CSMD1: variants seen among roughly 807,000 people sequenced by gnomAD.
CSMD1 encodes the protein CUB and Sushi multiple domains 1.
Under a neutral mutation model 417.5 loss-of-function variants are expected in CSMD1, and 213 were observed. That is an observed-to-expected ratio of 0.51 (90% CI 0.46 to 0.57). CSMD1 has a LOEUF of 0.57. Among genes scored for constraint, CSMD1 ranks in the 20% least tolerant of loss-of-function variants. The pLI is 0.00. For missense variants in CSMD1, 6,923 were observed against 4,529.7 expected (o/e 1.53, Z -15.17); for synonymous variants, 2,862 against 1,736.8 (o/e 1.65, Z -16.11).
intron 4 of CSMD1, among the ~76,000 whole-genome samples, chr8:4,016,587 A>T (rs1320736542): frequency 6.6e-6 from 1 of 152,188 alleles, no homozygotes; most frequent in African/African-American, 2.4e-5. Context: ...AATCCTAAAA[A>T]GCCTTTCCCC....
chr8:3,626,589 G>T (rs551950293), intron 7 of CSMD1, among the ~76,000 whole-genome samples: 1 of 151,494 alleles, frequency 6.6e-6, no homozygotes, highest in Non-Finnish European at 1.5e-5. Flanking sequence ...CCTAGATTTA[G>T]AAAACCATGA....
chr8:3,236,830 A>G (rs895006408), intron 26 of CSMD1, among the ~76,000 whole-genome samples: 5 of 152,144 alleles, frequency 3.3e-5, no homozygotes, highest in Non-Finnish European at 7.3e-5. Flanking sequence ...CATCCATCTT[A>G]TCCCTCAACG....
At chr8:3,957,509 C>G (rs1303266510) in intron 5 of CSMD1, among the ~76,000 whole-genome samples, 2 of 152,030 alleles carry the variant, frequency 1.3e-5, no homozygotes, top group Admixed American at 6.5e-5. Flanking sequence ...GCACTCTTCT[C>G]TATAAAAAAT....
chr8:3,810,952 G>A (rs555200068), intron 5 of CSMD1, among the ~76,000 whole-genome samples: 7 of 152,102 alleles, frequency 4.6e-5, no homozygotes, highest in African/African-American at 1.2e-4. Context: ...GGATAATAAC[G>A]TTTGTTCTTT....
intron 2 of CSMD1, among the ~76,000 whole-genome samples, chr8:4,621,332 C>T (rs1014523566): frequency 6.6e-6 from 1 of 151,986 alleles, no homozygotes; most frequent in African/African-American, 2.4e-5. Flanking sequence ...GTGGAATTTT[C>T]CACTTATGAT....
intron 3 of CSMD1, among the ~76,000 whole-genome samples, chr8:4,192,090 C>CA (rs1436266625): frequency 3.3e-5 from 5 of 151,894 alleles, no homozygotes; most frequent in African/African-American, 1.2e-4. Context: ...AACAGAAAAC[C>CA]AAAAACGTGG....
At chr8:3,522,831 T>A (rs541076873) in intron 10 of CSMD1, among the ~76,000 whole-genome samples, 2 of 150,990 alleles carry the variant, frequency 1.3e-5, no homozygotes, top group Non-Finnish European at 2.9e-5. Context: ...ATTTGACATA[T>A]AATTTGTTAG....
At chr8:3,508,447 G>A (rs1198804260) in intron 10 of CSMD1, among the ~76,000 whole-genome samples, 5 of 151,770 alleles carry the variant, frequency 3.3e-5, no homozygotes, top group Non-Finnish European at 4.4e-5. Context: ...CATGGCACAT[G>A]TATACATATG....
At chr8:4,942,145 C>G (rs966552183) in intron 1 of CSMD1, among the ~76,000 whole-genome samples, 2 of 152,100 alleles carry the variant, frequency 1.3e-5, no homozygotes, top group African/African-American at 4.8e-5. Flanking sequence ...ATAATATACT[C>G]CCTATTTATT....
chr8:3,801,152 G>A (rs80267896), intron 5 of CSMD1, among the ~76,000 whole-genome samples: 2 of 151,694 alleles, frequency 1.3e-5, no homozygotes, highest in Admixed American at 6.6e-5. Flanking sequence ...CTGCTGCAAA[G>A]GATACCACCA....
intron 1 of CSMD1, among the ~76,000 whole-genome samples, chr8:4,772,847 T>A (rs1796666970): frequency 6.6e-6 from 1 of 152,198 alleles, no homozygotes. Flanking sequence ...TATGTCTGCT[T>A]CTGAATCATT....
intron 5 of CSMD1, among the ~76,000 whole-genome samples, chr8:3,920,109 C>T (rs1447751298): frequency 6.6e-6 from 1 of 152,078 alleles, no homozygotes. Flanking sequence ...TCATAGCTCA[C>T]TGAAGTCATG....
intron 26 of CSMD1, among the ~76,000 whole-genome samples, chr8:3,236,034 C>T (rs1311997654): frequency 6.6e-6 from 1 of 150,496 alleles, no homozygotes; most frequent in Admixed American, 6.7e-5. Flanking sequence ...TCTCCTTCCT[C>T]AGTCTCCGGA....
intron 5 of CSMD1, among the ~76,000 whole-genome samples, chr8:3,816,992 C>A (rs1259455507): frequency 2.0e-5 from 3 of 151,950 alleles, no homozygotes; most frequent in African/African-American, 7.3e-5. Flanking sequence ...CAGGTTCGAA[C>A]AATGCTTCTC....
At chr8:3,502,294 G>A (rs750111464) in intron 10 of CSMD1, among the ~76,000 whole-genome samples, 1 of 150,840 alleles carries the variant, frequency 6.6e-6, no homozygotes, top group Non-Finnish European at 1.5e-5. Context: ...GAACCCAGGA[G>A]GAGGAGCTTG....
chr8:4,952,284 C>A (rs557788609), intron 1 of CSMD1, among the ~76,000 whole-genome samples: 2 of 151,874 alleles, frequency 1.3e-5, no homozygotes, highest in Admixed American at 6.6e-5. Flanking sequence ...TAAAACGCAA[C>A]AAATATTATA....
intron 3 of CSMD1, among the ~76,000 whole-genome samples, chr8:4,043,571 G>A (rs1029593547): frequency 3.2e-4 from 49 of 152,162 alleles, no homozygotes; most frequent in African/African-American, 1.1e-3. Context: ...GCTGCTGTCT[G>A]GCCGCCTTGA....
intron 3 of CSMD1, among the ~76,000 whole-genome samples, chr8:4,364,124 T>A (rs1204869193): frequency 1.3e-5 from 2 of 152,208 alleles, no homozygotes; most frequent in African/African-American, 4.8e-5. Context: ...TTATTATGCA[T>A]TGCATGCCTG....
chr8:4,077,452 T>A (rs933530299), intron 3 of CSMD1, among the ~76,000 whole-genome samples: 3 of 151,800 alleles, frequency 2.0e-5, no homozygotes, highest in African/African-American at 7.3e-5. Context: ...ATCCTATACA[T>A]ATCATTACTC....
Sources: allele counts gnomAD v4.1 joint callset (sites outside exome capture counted in the v4.1 genomes callset), GRCh38; gene constraint gnomAD v4.1.1; transcripts MANE v1.5; gene names NCBI Gene and HGNC (gene_info 2026-07-23, HGNC 2026-07-21).